PPARGC1A: variants seen among roughly 807,000 people sequenced by gnomAD.
The protein encoded by PPARGC1A is PPARG coactivator 1 alpha, also known as peroxisome proliferator-activated receptor gamma coactivator 1-alpha.
In PPARGC1A, 25 loss-of-function variants were observed where a neutral mutation model predicts 88.7. The observed-to-expected ratio is 0.28, with a 90% confidence interval of 0.21 to 0.39. The LOEUF (loss-of-function observed/expected upper bound fraction) is 0.39. Among genes scored for constraint, PPARGC1A ranks in the 10% least tolerant of loss-of-function variants. PPARGC1A has a pLI of 1.00. For synonymous variants in PPARGC1A, 363 were observed against 355.6 expected, an observed-to-expected ratio of 1.02 and a Z score of -0.24; for missense variants, 880 against 968.7, an observed-to-expected ratio of 0.91 and a Z score of 1.22.
the PPARGC1A span, among the ~76,000 whole-genome samples, chr4:24,261,828 C>T: frequency 7.2e-5 from 11 of 152,174 alleles, no homozygotes; most frequent in Admixed American, 7.2e-4. Context: ...CCACCTCCAA[C>T]ACACAGCCAT....
At chr4:23,995,558 C>T in the PPARGC1A span, among the ~76,000 whole-genome samples, 2 of 152,156 alleles carry the variant, frequency 1.3e-5, no homozygotes, top group African/African-American at 4.8e-5. Context: ...ACATCACTCT[C>T]CAGAGACATC....
the PPARGC1A span, among the ~76,000 whole-genome samples, chr4:24,241,003 A>G: frequency 6.6e-6 from 1 of 152,204 alleles, no homozygotes; most frequent in South Asian, 2.1e-4. Flanking sequence ...GAGGGGTGGC[A>G]GGAAGACAGA....
the PPARGC1A span, among the ~76,000 whole-genome samples, chr4:24,350,252 G>A: frequency 3.2e-3 from 486 of 152,270 alleles, 6 homozygotes; most frequent in African/African-American, 0.011. Flanking sequence ...TGATCTGTCC[G>A]TCTTGGCCTC....
chr4:23,959,199 G>C, the PPARGC1A span, among the ~76,000 whole-genome samples: 2 of 152,048 alleles, frequency 1.3e-5, no homozygotes, highest in African/African-American at 4.8e-5. Flanking sequence ...CCACCATATG[G>C]TGCTCCTCAA....
At chr4:24,106,551 T>C in the PPARGC1A span, among the ~76,000 whole-genome samples, 1 of 152,184 alleles carries the variant, frequency 6.6e-6, no homozygotes, top group Admixed American at 6.5e-5. Flanking sequence ...TAAAGAGGCA[T>C]GTAGATCTTC....
the PPARGC1A span, among the ~76,000 whole-genome samples, chr4:24,279,136 T>G: frequency 2.0e-5 from 3 of 152,180 alleles, no homozygotes; most frequent in East Asian, 5.8e-4. Context: ...ACTTCCGTGG[T>G]CCAACCACAT....
the PPARGC1A span, among the ~76,000 whole-genome samples, chr4:23,987,374 C>T: frequency 6.6e-6 from 1 of 151,926 alleles, no homozygotes; most frequent in Non-Finnish European, 1.5e-5. Context: ...AACACTCATT[C>T]CCCACCATTG....
chr4:24,131,836 G>A, the PPARGC1A span, among the ~76,000 whole-genome samples: 7 of 152,024 alleles, frequency 4.6e-5, no homozygotes, highest in Admixed American at 6.5e-5. Flanking sequence ...ACCATTTTTC[G>A]TCCAAACATA....
chr4:23,997,497 C>CTTTTTTTT, the PPARGC1A span, among the ~76,000 whole-genome samples: 4 of 96,952 alleles, frequency 4.1e-5, no homozygotes, highest in African/African-American at 7.5e-5. Flanking sequence ...CAAGAAAGCC[C>CTTTTTTTT]TTTTTTTTTT....
At chr4:24,266,753 T>C in the PPARGC1A span, among the ~76,000 whole-genome samples, 7,097 of 152,168 alleles carry the variant, frequency 0.047, 219 homozygotes, top group Middle Eastern at 0.092. Context: ...GAACAACAGA[T>C]GCGGAGGGAG....
chr4:23,963,368 T>C, the PPARGC1A span, among the ~76,000 whole-genome samples: 1 of 152,200 alleles, frequency 6.6e-6, no homozygotes, highest in Non-Finnish European at 1.5e-5. Flanking sequence ...TCAAAACCAT[T>C]CACTCCTGGC....
At chr4:24,387,840 G>GAGAGAA in the PPARGC1A span, among the ~76,000 whole-genome samples, 1 of 133,334 alleles carries the variant, frequency 7.5e-6, no homozygotes, top group Non-Finnish European at 1.6e-5. Context: ...AAGAGAGAAA[G>GAGAGAA]AGAGAGAGAA....
the PPARGC1A span, among the ~76,000 whole-genome samples, chr4:24,093,469 C>A: frequency 6.6e-6 from 1 of 152,140 alleles, no homozygotes; most frequent in African/African-American, 2.4e-5. Flanking sequence ...CATGCAAAAC[C>A]CTTTACTTGC....
chr4:24,360,690 A>C, the PPARGC1A span, among the ~76,000 whole-genome samples: 1 of 152,022 alleles, frequency 6.6e-6, no homozygotes, highest in Admixed American at 6.5e-5. Flanking sequence ...GGTGTTGCAG[A>C]GCAGTGCCTG....
chr4:24,111,595 G>T, the PPARGC1A span, among the ~76,000 whole-genome samples: 1 of 152,092 alleles, frequency 6.6e-6, no homozygotes. Flanking sequence ...TTTTAGCTCC[G>T]TGGTGTCAAG....
the PPARGC1A span, among the ~76,000 whole-genome samples, chr4:24,233,617 C>T: frequency 4.8e-5 from 7 of 146,104 alleles, 1 homozygote; most frequent in African/African-American, 1.8e-4. Flanking sequence ...CACACACACA[C>T]ACACATATAC....
chr4:24,026,973 C>T, the PPARGC1A span, among the ~76,000 whole-genome samples: 22,119 of 152,076 alleles, frequency 0.15, 1,775 homozygotes, highest in South Asian at 0.21. Flanking sequence ...TAAATTAAGC[C>T]ATTCACATAA....
At chr4:24,346,932 C>G in the PPARGC1A span, among the ~76,000 whole-genome samples, 1 of 152,068 alleles carries the variant, frequency 6.6e-6, no homozygotes, top group African/African-American at 2.4e-5. Flanking sequence ...CCTCTTAGCA[C>G]CAACTTTGCT....
the PPARGC1A span, among the ~76,000 whole-genome samples, chr4:24,246,279 T>C: frequency 2.6e-5 from 4 of 152,220 alleles, no homozygotes; most frequent in Admixed American, 2.6e-4. Flanking sequence ...TGCATTTCCC[T>C]GTAATTCATA....
Sources: allele counts gnomAD v4.1 joint callset (sites outside exome capture counted in the v4.1 genomes callset), GRCh38; gene constraint gnomAD v4.1.1; transcripts MANE v1.5; gene names NCBI Gene and HGNC (gene_info 2026-07-23, HGNC 2026-07-21).